The following IL1RAPL1 variants were observed in gnomAD, a reference collection of about 807,000 sequenced individuals.
IL1RAPL1 encodes interleukin 1 receptor accessory protein like 1, also known as interleukin-1 receptor accessory protein-like 1.
IL1RAPL1 carries 3 observed loss-of-function variants against 48.4 expected under a neutral mutation model. The observed-to-expected ratio is 0.06, with a 90% CI of 0.03 to 0.16. The LOEUF (loss-of-function observed/expected upper bound fraction) is 0.16, where lower values mean the gene tolerates loss of function less well. IL1RAPL1 is among the 10% of genes least tolerant of loss of function. The pLI is 1.00. For missense variants in IL1RAPL1, 349 were observed against 530.6 expected, an observed-to-expected ratio of 0.66 and a Z score of 3.36; for synonymous variants, 185 against 187.7, an observed-to-expected ratio of 0.99 and a Z score of 0.12.
At chrX:28,852,877 C>CT (rs59748304) in intron 2 of IL1RAPL1, among the ~76,000 whole-genome samples, 32,090 of 103,267 alleles carry the variant, frequency 0.31, 3,950 homozygotes, top group East Asian at 0.48. Context: ...TTGTGCTTTC[C>CT]TTTTTTTTTT....
intron 2 of IL1RAPL1, among the ~76,000 whole-genome samples, chrX:29,148,592 T>C (rs1346964179): frequency 8.9e-6 from 1 of 112,154 alleles, no homozygotes; most frequent in Non-Finnish European, 1.9e-5. Flanking sequence ...GGAATATTCT[T>C]TATAAAGTCT....
intron 2 of IL1RAPL1, among the ~76,000 whole-genome samples, chrX:28,835,292 G>A (rs1165181984): frequency 1.8e-5 from 2 of 111,383 alleles, no homozygotes; most frequent in Non-Finnish European, 3.8e-5. Context: ...GCTTTCTGAA[G>A]AGAGGAATAT....
At chrX:29,201,201 A>G (rs1930548198) in intron 2 of IL1RAPL1, among the ~76,000 whole-genome samples, 1 of 112,138 alleles carries the variant, frequency 8.9e-6, no homozygotes, top group South Asian at 3.6e-4. Flanking sequence ...AATCCAGAAT[A>G]TTATTTACCA....
intron 2 of IL1RAPL1, among the ~76,000 whole-genome samples, chrX:28,842,869 A>G (rs1368875748): frequency 9.0e-6 from 1 of 111,303 alleles, no homozygotes; most frequent in Non-Finnish European, 1.9e-5. Context: ...CATACAGAAT[A>G]AGTATGGCTC....
At chrX:29,237,325 G>A (rs756492347) in intron 2 of IL1RAPL1, among the ~76,000 whole-genome samples, 25 of 111,975 alleles carry the variant, frequency 2.2e-4, no homozygotes, top group Non-Finnish European at 4.1e-4. Context: ...GGAAAACAAC[G>A]TTAATTAGAT....
At chrX:28,959,743 C>A (rs1924717839) in intron 2 of IL1RAPL1, among the ~76,000 whole-genome samples, 1 of 112,011 alleles carries the variant, frequency 8.9e-6, no homozygotes, top group Non-Finnish European at 1.9e-5. Context: ...AGATGTTAAA[C>A]ATTATTCACT....
intron 3 of IL1RAPL1, among the ~76,000 whole-genome samples, chrX:29,382,014 T>C (rs1278024631): frequency 1.8e-5 from 2 of 108,906 alleles, no homozygotes; most frequent in Non-Finnish European, 3.8e-5. Context: ...AGCATTGTAA[T>C]AGCTTTTGTA....
At chrX:29,136,633 A>G (rs1160934523) in intron 2 of IL1RAPL1, among the ~76,000 whole-genome samples, 1 of 111,414 alleles carries the variant, frequency 9.0e-6, no homozygotes, top group Non-Finnish European at 1.9e-5. Context: ...AAGTGTTGAG[A>G]TAACAGGTGT....
intron 1 of IL1RAPL1, among the ~76,000 whole-genome samples, chrX:28,653,335 CG>C (rs939234594): frequency 4.5e-5 from 5 of 110,161 alleles, no homozygotes; most frequent in Non-Finnish European, 9.5e-5. Context: ...ATTAGCCAGG[CG>C]TGGTGGCAGG....
At chrX:29,647,516 TATG>T (rs1180388879) in intron 5 of IL1RAPL1, among the ~76,000 whole-genome samples, 3 of 111,371 alleles carry the variant, frequency 2.7e-5, no homozygotes, top group Non-Finnish European at 3.8e-5. Flanking sequence ...AAATTCAAAA[TATG>T]AGTGTGTGTG....
intron 5 of IL1RAPL1, among the ~76,000 whole-genome samples, chrX:29,581,573 C>A (rs1333295971): frequency 1.8e-5 from 2 of 112,018 alleles, no homozygotes; most frequent in African/African-American, 6.5e-5. Context: ...GTTTTAATTC[C>A]TAACCTAGCT....
intron 5 of IL1RAPL1, among the ~76,000 whole-genome samples, chrX:29,480,291 C>CAT (rs61703733): frequency 0.046 from 3,552 of 76,448 alleles, 80 homozygotes; most frequent in South Asian, 0.068. Flanking sequence ...CACACATATA[C>CAT]ATATATATAT....
intron 1 of IL1RAPL1, among the ~76,000 whole-genome samples, chrX:28,640,450 A>T (rs1409859061): frequency 1.5e-4 from 17 of 109,738 alleles, no homozygotes; most frequent in Non-Finnish European, 3.0e-4. Flanking sequence ...GGTTCATGCG[A>T]TCTTCCTGCC....
chrX:29,029,833 T>A (rs997106716), intron 2 of IL1RAPL1, among the ~76,000 whole-genome samples: 1 of 111,547 alleles, frequency 9.0e-6, no homozygotes, highest in Admixed American at 9.5e-5. Context: ...GTCACCTAGA[T>A]TTTATCTTGT....
intron 3 of IL1RAPL1, among the ~76,000 whole-genome samples, chrX:29,328,631 G>GTA (rs551009907): frequency 0.039 from 4,012 of 101,721 alleles, 231 homozygotes; most frequent in African/African-American, 0.13. Flanking sequence ...AATTATATAT[G>GTA]TATATATATA....
chrX:28,954,520 C>T (rs1165155753), intron 2 of IL1RAPL1, among the ~76,000 whole-genome samples: 2 of 109,772 alleles, frequency 1.8e-5, no homozygotes, highest in African/African-American at 6.6e-5. Flanking sequence ...ATTGTCACTT[C>T]CCCACAAAAT....
At chrX:28,638,983 A>T (rs183986486) in intron 1 of IL1RAPL1, among the ~76,000 whole-genome samples, 138 of 111,853 alleles carry the variant, frequency 1.2e-3, no homozygotes, top group African/African-American at 4.4e-3. Context: ...CATAGGCTTG[A>T]ATATATTCTC....
At chrX:29,316,801 G>A (rs1371114838) in intron 3 of IL1RAPL1, among the ~76,000 whole-genome samples, 1 of 111,868 alleles carries the variant, frequency 8.9e-6, no homozygotes, top group Non-Finnish European at 1.9e-5. Flanking sequence ...GTGACCTGTA[G>A]GGGTGTGCGA....
At chrX:29,921,435 C>A (rs1417013561) in intron 8 of IL1RAPL1, among the ~76,000 whole-genome samples, 2 of 111,827 alleles carry the variant, frequency 1.8e-5, no homozygotes, top group Non-Finnish European at 3.8e-5. Context: ...AAAATAGACA[C>A]CTCTGTTGTC....
Sources: gnomAD v4.1 joint callset for allele counts (sites outside exome capture counted in the v4.1 genomes callset) on GRCh38, gnomAD v4.1.1 for gene constraint, MANE v1.5 for transcripts, NCBI Gene and HGNC (gene_info 2026-07-23, HGNC 2026-07-21) for gene names.